The following CNTNAP5 variants were observed in gnomAD, a reference collection of about 807,000 sequenced individuals.
The protein encoded by CNTNAP5 is contactin-associated protein-like 5.
A neutral mutation model predicts 150.2 loss-of-function variants in CNTNAP5; 72 were observed. The ratio of observed to expected loss-of-function variants is 0.48; its 90% CI spans 0.40 to 0.58. CNTNAP5 has a LOEUF of 0.58. Ranked by LOEUF, CNTNAP5 falls within the 20% of genes least tolerant of loss-of-function variation. The pLI is 0.00. For missense variants in CNTNAP5, 1,636 were observed against 1,626.2 expected (o/e 1.01, Z -0.10); for synonymous variants, 672 against 619.8 (o/e 1.08, Z -1.25).
At position 124,176,034 on chromosome 2, in the gene CNTNAP5, G is replaced by A. The variant is rs1005506684; in HGVS notation, c.83-45671G>A. Among the ~76,000 whole-genome samples, 4 of 152,176 alleles carry A rather than the reference G, an allele frequency of 2.6e-5. No homozygotes were observed. In the South Asian group the frequency reaches 8.3e-4, roughly 32 times the overall value. ...ATGTGGAAACGAACACACTAGTTTG[G>A]TAGTCCTTGTGGCTGAAAATACTGA... On this transcript the variant is annotated intron_variant, in intron 1 of 23. Transcript: ENST00000682447.
At chr2:124,763,224 C>G (rs1351652) in intron 14 of CNTNAP5, among the ~76,000 whole-genome samples, 149,897 of 152,284 alleles carry the variant, frequency 0.98, 73,820 homozygotes, top group Middle Eastern at 1. Context: ...AAAATCTAAA[C>G]TTGATTAAAA....
chr2:124,495,538 G>T (rs1456179968), intron 7 of CNTNAP5, among the ~76,000 whole-genome samples: 2 of 152,188 alleles, frequency 1.3e-5, no homozygotes, highest in Non-Finnish European at 2.9e-5. Flanking sequence ...GAGAGGTCAT[G>T]CAGGGCACCA....
intron 3 of CNTNAP5, among the ~76,000 whole-genome samples, chr2:124,391,526 CTATT>C (rs1691109157): frequency 1.3e-5 from 2 of 152,320 alleles, no homozygotes; most frequent in African/African-American, 2.4e-5. Context: ...GGGCAAATGG[CTATT>C]TGTCAGTCCA....
intron 13 of CNTNAP5, among the ~76,000 whole-genome samples, chr2:124,690,647 C>T (rs1679282452): frequency 6.6e-6 from 1 of 151,994 alleles, no homozygotes; most frequent in Non-Finnish European, 1.5e-5. Flanking sequence ...TCTACACTTC[C>T]CCTAACCATC....
chr2:124,313,064 T>C (rs1249653503), intron 3 of CNTNAP5, among the ~76,000 whole-genome samples: 2 of 152,234 alleles, frequency 1.3e-5, no homozygotes, highest in African/African-American at 2.4e-5. Context: ...GGGCTCTGAA[T>C]AGACTGGAAA....
intron 1 of CNTNAP5, among the ~76,000 whole-genome samples, chr2:124,053,195 G>GT (rs1681755887): frequency 6.6e-6 from 1 of 152,162 alleles, no homozygotes; most frequent in African/African-American, 2.4e-5. Context: ...AGAACAAACT[G>GT]TTAAGGACAA....
chr2:124,160,824 T>C (rs768005188), intron 1 of CNTNAP5, among the ~76,000 whole-genome samples: 13 of 152,212 alleles, frequency 8.5e-5, no homozygotes, highest in Non-Finnish European at 1.8e-4. Flanking sequence ...ATCATCATTG[T>C]TGACAGATTT....
At chr2:124,177,375 G>A (rs986652839) in intron 1 of CNTNAP5, among the ~76,000 whole-genome samples, 3 of 152,050 alleles carry the variant, frequency 2.0e-5, no homozygotes, top group Non-Finnish European at 2.9e-5. Flanking sequence ...CCAACAACGG[G>A]CAGACAGCTA....
At chr2:124,164,051 TCTC>T (rs1372917946) in intron 1 of CNTNAP5, among the ~76,000 whole-genome samples, 3 of 152,156 alleles carry the variant, frequency 2.0e-5, no homozygotes, top group African/African-American at 4.8e-5. Context: ...ACATGACTGT[TCTC>T]CTTGTGTTTC....
rs752876601 is a variant in CNTNAP5, at chr2:124,081,234, C to T, written c.82+55502C>T. On this transcript the variant is annotated intron_variant, in intron 1 of 23. Coordinates refer to ENST00000682447, the MANE Select transcript of CNTNAP5 (RefSeq NM_001367498.1). ...TTAACATGAAATATGTTAGTTCTTA[C>T]ACCGTCTAAAATCATCTATTAGAAC... is the stretch of plus-strand genomic sequence containing the variant. Among the ~76,000 whole-genome samples the T allele has an allele frequency of 5.3e-5, 8 of 151,876 alleles. 1 individual carries two copies. The highest frequency in any genetic ancestry group is 7.4e-5 in the Non-Finnish European group (5 of 67,984).
chr2:124,221,683 C>T, intron 1 of CNTNAP5, 22 bp from the exon 2 acceptor site: 1 of 1,470,470 alleles, frequency 6.8e-7, no homozygotes, highest in Non-Finnish European at 9.5e-7. Context: ...GTCTCTCTCC[C>T]TCTGTCCTCC....
intron 11 of CNTNAP5, among the ~76,000 whole-genome samples, chr2:124,591,737 T>C (rs1418737637): frequency 6.6e-6 from 1 of 152,180 alleles, no homozygotes; most frequent in Admixed American, 6.5e-5. Context: ...GTGTCTTCTC[T>C]ACCTCTGCAG....
chr2:124,354,939 T>C (rs895450748), intron 3 of CNTNAP5, among the ~76,000 whole-genome samples: 3 of 152,084 alleles, frequency 2.0e-5, no homozygotes, highest in Non-Finnish European at 2.9e-5. Context: ...GTCACTCCCA[T>C]TGAGTCTCAG....
At chr2:124,784,919 C>T (rs953151148) in intron 17 of CNTNAP5, among the ~76,000 whole-genome samples, 2 of 151,008 alleles carry the variant, frequency 1.3e-5, no homozygotes, top group African/African-American at 4.9e-5. Flanking sequence ...TTCCCATTGA[C>T]AATTTAATGA....
At chr2:124,564,900 C>T (rs557604668) in intron 11 of CNTNAP5, among the ~76,000 whole-genome samples, 1 of 152,218 alleles carries the variant, frequency 6.6e-6, no homozygotes, top group East Asian at 1.9e-4. Flanking sequence ...AAGAGTGCAG[C>T]CAACGCCTGG....
intron 11 of CNTNAP5, among the ~76,000 whole-genome samples, chr2:124,597,843 C>A (rs1007435110): frequency 6.8e-6 from 1 of 147,538 alleles, no homozygotes; most frequent in African/African-American, 2.5e-5. Context: ...TTGCTCATTT[C>A]TTTTTATTCT....
intron 4 of CNTNAP5, among the ~76,000 whole-genome samples, chr2:124,424,695 G>A (rs115295424): frequency 0.014 from 2,180 of 152,172 alleles, 50 homozygotes; most frequent in African/African-American, 0.048. Flanking sequence ...GGATCTGAAG[G>A]CTCCTTCAAC....
chr2:124,094,379 T>C (rs1488645894), intron 1 of CNTNAP5, among the ~76,000 whole-genome samples: 3 of 152,184 alleles, frequency 2.0e-5, no homozygotes, highest in Non-Finnish European at 4.4e-5. Flanking sequence ...AAAATGAGAA[T>C]AGTAGTATTT....
intron 6 of CNTNAP5, among the ~76,000 whole-genome samples, chr2:124,459,305 G>A (rs145346685): frequency 6.6e-6 from 1 of 152,104 alleles, no homozygotes; most frequent in Non-Finnish European, 1.5e-5. Flanking sequence ...GTGAACAGGT[G>A]CTCTGAAAAC....
Sources: allele counts gnomAD v4.1 joint callset (sites outside exome capture counted in the v4.1 genomes callset), GRCh38; gene constraint gnomAD v4.1.1; transcripts MANE v1.5; gene names NCBI Gene and HGNC (gene_info 2026-07-23, HGNC 2026-07-21).